BDP1: variants seen among roughly 807,000 people sequenced by gnomAD.
BDP1 encodes the protein BDP1 general transcription factor IIIB subunit.
In BDP1, 169 loss-of-function variants were observed where a neutral mutation model predicts 266.6. The ratio of observed to expected loss-of-function variants is 0.63; its 90% CI spans 0.56 to 0.72. The LOEUF is 0.72. Among genes scored for constraint, BDP1 ranks in the 30% least tolerant of loss-of-function variants. BDP1 has a pLI of 0.00. For missense variants in BDP1, 3,015 were observed against 3,053.8 expected, an observed-to-expected ratio of 0.99 and a Z score of 0.30; for synonymous variants, 1,090 against 1,022.4, an observed-to-expected ratio of 1.07 and a Z score of -1.26.
Position 71,564,794 on chromosome 5 carries a change from G to A in BDP1, c.7784G>A (p.Ser2595Asn), listed in dbSNP as rs766797114. The change falls in exon 39 of 39, where the codon AGT (serine) becomes AAT (asparagine). Residue 2595 changes from serine (S) to asparagine (N), a missense_variant. Ser to Asn is a conservative substitution (Grantham distance 46). This residue lies in a region of BDP1 where 629 missense variants were observed against 632.5 expected (regional missense o/e 0.99). Transcript: ENST00000358731. ...CCCTTACTGAAAGAAGGATATAAAAGTGCCCAAAAGCGGGCCCCTCAAGGG... is the reference window on the plus strand; with the variant it reads ...CCCTTACTGAAAGAAGGATATAAAAATGCCCAAAAGCGGGCCCCTCAAGGG... ...DQPLLKEGYKSAQKRAPQGEA... is the reference protein window; with the variant it reads ...DQPLLKEGYKNAQKRAPQGEA... 4 of 1,610,798 alleles carry A rather than the reference G, an allele frequency of 2.5e-6. No homozygotes were observed. Among genetic ancestry groups the A allele is most frequent in the South Asian group, 1.1e-5 (1 of 90,806 alleles).
At chr5:71,470,607 G>C (rs78233894) in intron 7 of BDP1, 118 bp downstream of exon 7, 5 of 675,058 alleles carry the variant, frequency 7.4e-6, no homozygotes, top group Middle Eastern at 3.5e-4. Context: ...TTTTTTCATT[G>C]AGACAGAGTT....
Position 71,567,807 on chromosome 5 carries a change from G to GT in BDP1, c.*2924dup, listed in dbSNP as rs1254084579. 6.6e-6 allele frequency: 1 copy of GT among 152,180 alleles called. No individual in the cohort carries two copies. Among genetic ancestry groups the GT allele is most frequent in the Non-Finnish European group, 1.5e-5 (1 of 68,006 alleles). The allele number at this position is 152,180 out of a possible 1,614,324, so 9.4% of individuals were successfully genotyped here. On this transcript the variant is annotated 3_prime_UTR_variant, in exon 39 of 39. Coordinates refer to ENST00000358731, the MANE Select transcript of BDP1 (RefSeq NM_018429.3). ...ATATATATAAATTATGTAAATAAAA[G>GT]TTATTTTATATCATTTCTGTTGTGT... is the stretch of plus-strand genomic sequence containing the variant.
the BDP1 span, among the ~76,000 whole-genome samples, chr5:71,576,094 G>A: frequency 6.6e-6 from 1 of 152,140 alleles, no homozygotes; most frequent in Non-Finnish European, 1.5e-5. Flanking sequence ...AGAAACTACT[G>A]GAGTGTCAAG....
intron 16 of BDP1, among the ~76,000 whole-genome samples, chr5:71,507,818 A>G (rs934505035): frequency 6.6e-6 from 1 of 152,240 alleles, no homozygotes; most frequent in African/African-American, 2.4e-5. Flanking sequence ...TCAGTTATGT[A>G]AACAAGTACA....
At chr5:71,571,179 C>T (rs1002550929), downstream of BDP1, among the ~76,000 whole-genome samples, 2 of 152,174 alleles carry the variant, frequency 1.3e-5, no homozygotes, top group African/African-American at 4.8e-5. Flanking sequence ...AAGTCTGGCC[C>T]TGTTACCTAG....
intron 9 of BDP1, 86 bp downstream of exon 9, chr5:71,486,713 G>A: frequency 9.1e-7 from 1 of 1,093,564 alleles, no homozygotes; most frequent in Non-Finnish European, 1.3e-6. Flanking sequence ...GAGTTCATGT[G>A]TAGCTCAGGT....
At position 71,486,484 on chromosome 5, in the gene BDP1, A is replaced by G; in HGVS notation, c.1070A>G (p.Gln357Arg). 2 of 1,539,680 alleles carry G rather than the reference A, an allele frequency of 1.3e-6. No individual in the cohort carries two copies. Among genetic ancestry groups the G allele is most frequent in the South Asian group, 1.3e-5 (1 of 77,624 alleles). ...TNGWRIDKAF[Q>R]EKRPFDFDFF... ...AGTTCTTTTCCTTTTCTTTAAACAG[A>G]GGAAAAGCGCCCTTTTGACTTCGAT... Residue 357 changes from glutamine to arginine, a missense_variant and splice_region_variant, in exon 9 of 39, where the codon CAG becomes CGG. Gln to Arg is a conservative substitution (Grantham distance 43). This residue lies in a region of BDP1 where 2,383 missense variants were observed against 2,404.9 expected (regional missense o/e 0.99). Transcript: ENST00000358731.
chr5:71,530,732 C>T (rs1766193126), intron 25 of BDP1, among the ~76,000 whole-genome samples: 1 of 152,044 alleles, frequency 6.6e-6, no homozygotes, highest in African/African-American at 2.4e-5. Flanking sequence ...AAAGATTTTT[C>T]TCTAAATTTT....
chr5:71,526,072 G>C (rs1291706839), intron 25 of BDP1, among the ~76,000 whole-genome samples: 1 of 152,174 alleles, frequency 6.6e-6, no homozygotes. Flanking sequence ...CGGCACTTTG[G>C]GGGGCCAAGG....
intron 30 of BDP1, among the ~76,000 whole-genome samples, chr5:71,543,154 G>A (rs775419404): frequency 6.6e-6 from 1 of 152,174 alleles, no homozygotes; most frequent in Non-Finnish European, 1.5e-5. Context: ...GGTGGTGCAT[G>A]TCTGTAGTCC....
At chr5:71,511,202 A>C (rs528428463) in intron 17 of BDP1, 51 bp downstream of exon 17, 2 of 1,502,736 alleles carry the variant, frequency 1.3e-6, no homozygotes, top group South Asian at 1.2e-5. Flanking sequence ...TTTTCAGAGG[A>C]AATAAATAAT....
intron 35 of BDP1, among the ~76,000 whole-genome samples, chr5:71,553,827 T>C (rs181463644): frequency 1.0e-3 from 156 of 152,356 alleles, no homozygotes; most frequent in Non-Finnish European, 1.7e-3. Context: ...TGCCTCACTT[T>C]CTGGCCACAC....
At chr5:71,541,344 G>A (rs1417689610) in intron 28 of BDP1, 110 bp from the exon 29 acceptor site, 1 of 533,824 alleles carries the variant, frequency 1.9e-6, no homozygotes, top group African/African-American at 2.0e-5. Flanking sequence ...CCACACAAAT[G>A]AAGCAAACTT....
chr5:71,461,760 G>A (rs1761579827), intron 2 of BDP1, 57 bp from the exon 3 acceptor site: 3 of 978,972 alleles, frequency 3.1e-6, no homozygotes, highest in Non-Finnish European at 3.2e-6. Flanking sequence ...TTTGCATATA[G>A]TACATCTGAA....
In BDP1 at chr5:71,525,627, C is replaced by T. The variant is rs1483491043; in HGVS notation, c.5772+1304C>T. 5.0e-5 allele frequency among the ~76,000 whole-genome samples: 6 copies of T among 120,416 alleles called. 1 individual carries two copies. Among genetic ancestry groups the T allele is most frequent in the Non-Finnish European group, 9.0e-5 (5 of 55,732 alleles). The allele number at this position is 120,416 out of a possible 152,430, so 79.0% of individuals were successfully genotyped here. ...CTCCTTCCCGGACGGGGCGGCTGGC[C>T]GGGCGGGGGGCTGACCCCCCCACCT... On this transcript the variant is annotated intron_variant, in intron 25 of 38. Coordinates refer to ENST00000358731, the MANE Select transcript of BDP1 (RefSeq NM_018429.3).
chr5:71,557,017 GT>G, intron 36 of BDP1, 92 bp downstream of exon 36: 1 of 621,374 alleles, frequency 1.6e-6, no homozygotes, highest in Non-Finnish European at 2.6e-6. Context: ...TTGAAACTGA[GT>G]ATTCCTTTTC....
intron 26 of BDP1, among the ~76,000 whole-genome samples, chr5:71,538,003 A>G (rs935905142): frequency 7.9e-5 from 12 of 152,190 alleles, no homozygotes; most frequent in African/African-American, 2.9e-4. Flanking sequence ...TTACCAGGCT[A>G]AAGAAGTTAC....
chr5:71,529,157 T>C (rs774697130), intron 25 of BDP1, among the ~76,000 whole-genome samples: 3 of 152,024 alleles, frequency 2.0e-5, no homozygotes, highest in Non-Finnish European at 4.4e-5. Context: ...TTTGGGAGGT[T>C]GAGGTGGGCG....
intron 17 of BDP1, 73 bp from the exon 18 acceptor site, chr5:71,512,168 A>T: frequency 1.4e-6 from 1 of 718,506 alleles, no homozygotes; most frequent in Non-Finnish European, 2.1e-6. Context: ...AATTTAGTAG[A>T]CTTTTGTTTT....
Sources: gnomAD v4.1 joint callset for allele counts (sites outside exome capture counted in the v4.1 genomes callset) on GRCh38, gnomAD v4.1.1 for gene constraint, gnomAD v4.1.1 regional missense constraint, MANE v1.5 for transcripts, NCBI Gene and HGNC (gene_info 2026-07-23, HGNC 2026-07-21) for gene names.